Variants in NUDT3 observed in about 807,000 individuals in gnomAD.
NUDT3 encodes the protein diphosphoinositol polyphosphate phosphohydrolase 1.
NUDT3 carries 9 observed loss-of-function variants against 23.6 expected under a neutral mutation model. That is an observed-to-expected ratio of 0.38 (90% CI 0.23 to 0.66). NUDT3 has a LOEUF of 0.66. NUDT3 is among the 30% of genes least tolerant of loss of function. The pLI, the probability that NUDT3 is intolerant of heterozygous loss-of-function variation, is 0.52. For synonymous variants in NUDT3, 86 were observed against 82.6 expected, an observed-to-expected ratio of 1.04 and a Z score of -0.22; for missense variants, 172 against 218.5, an observed-to-expected ratio of 0.79 and a Z score of 1.34.
chr6:34,341,748 C>G (rs781593805), intron 2 of NUDT3, 114 bp downstream of exon 2: 6 of 881,460 alleles, frequency 6.8e-6, no homozygotes, highest in Non-Finnish European at 9.9e-6. Context: ...ATTCATTGCC[C>G]TTTTTCTGTG....
rs183847589 is a variant in NUDT3 at position 34,378,094 on chromosome 6, C to G, written c.99+14170G>C. ...GATCTAGGCAGGAAGACTGCTTGAT[C>G]CCAGGAGTTTGAGACTAGCCTAGCG... On this transcript the variant is annotated intron_variant, in intron 1 of 4. Transcript: ENST00000607016. Among the ~76,000 whole-genome samples the G allele has an allele frequency of 3.4e-3, 516 of 151,634 alleles. 5 individuals carry two copies. The highest frequency in any genetic ancestry group is 7.6e-3 in the Admixed American group (115 of 15,226).
At chr6:34,361,126 G>A (rs1036040473) in intron 1 of NUDT3, among the ~76,000 whole-genome samples, 3 of 152,102 alleles carry the variant, frequency 2.0e-5, no homozygotes, top group African/African-American at 7.2e-5. Context: ...GGGAAGCTGG[G>A]GTGGGAGGAT....
intron 3 of NUDT3, among the ~76,000 whole-genome samples, chr6:34,294,782 T>C (rs1300724678): frequency 6.6e-6 from 1 of 151,758 alleles, no homozygotes; most frequent in Non-Finnish European, 1.5e-5. Context: ...ACCTTTCTTC[T>C]GACATTTTTA....
At chr6:34,345,818 G>A (rs1764360034) in intron 1 of NUDT3, among the ~76,000 whole-genome samples, 1 of 152,098 alleles carries the variant, frequency 6.6e-6, no homozygotes, top group African/African-American at 2.4e-5. Flanking sequence ...GCCCAGGCTG[G>A]AGTGCAATGG....
intron 1 of NUDT3, among the ~76,000 whole-genome samples, chr6:34,376,651 C>A (rs1489022878): frequency 1.3e-5 from 2 of 152,146 alleles, no homozygotes; most frequent in Non-Finnish European, 2.9e-5. Flanking sequence ...ATACTTCATT[C>A]CATTCTGCTG....
intron 1 of NUDT3, among the ~76,000 whole-genome samples, chr6:34,387,876 T>C (rs1765133630): frequency 1.3e-5 from 2 of 152,176 alleles, no homozygotes; most frequent in Admixed American, 1.3e-4. Flanking sequence ...TTTGATTTAG[T>C]GCAACCTAAG....
chr6:34,293,067 TTTTG>T (rs1763447613), intron 4 of NUDT3, among the ~76,000 whole-genome samples: 1 of 152,106 alleles, frequency 6.6e-6, no homozygotes, highest in African/African-American at 2.4e-5. Flanking sequence ...TGTTCTGTTT[TTTTG>T]TTTGTTTTTG....
intron 1 of NUDT3, among the ~76,000 whole-genome samples, chr6:34,391,886 T>C (rs1190345599): frequency 6.6e-6 from 1 of 152,020 alleles, no homozygotes; most frequent in African/African-American, 2.4e-5. Context: ...CACATGTGCC[T>C]GGCTGACAAC....
chr6:34,319,652 T>C (rs1763910681), intron 2 of NUDT3, among the ~76,000 whole-genome samples: 1 of 152,208 alleles, frequency 6.6e-6, no homozygotes, highest in South Asian at 2.1e-4. Flanking sequence ...TGAAATGTGA[T>C]TGAACACAAA....
At chr6:34,336,287 A>C (rs1013403132) in intron 2 of NUDT3, among the ~76,000 whole-genome samples, 2 of 152,056 alleles carry the variant, frequency 1.3e-5, no homozygotes, top group African/African-American at 4.8e-5. Flanking sequence ...AAAAGGTTAT[A>C]TACACATTTG....
At chr6:34,389,192 TGA>T (rs1765155875) in intron 1 of NUDT3, among the ~76,000 whole-genome samples, 2 of 152,074 alleles carry the variant, frequency 1.3e-5, no homozygotes, top group African/African-American at 2.4e-5. Context: ...TCCCATGTGT[TGA>T]GTGAGGGAGG....
intron 1 of NUDT3, among the ~76,000 whole-genome samples, chr6:34,360,809 C>T (rs1442732806): frequency 6.6e-6 from 1 of 152,008 alleles, no homozygotes; most frequent in Non-Finnish European, 1.5e-5. Flanking sequence ...AAAATATTTT[C>T]ACAAGACTTA....
At chr6:34,391,761 T>G (rs1288718030) in intron 1 of NUDT3, among the ~76,000 whole-genome samples, 3 of 59,434 alleles carry the variant, frequency 5.0e-5, no homozygotes, top group Admixed American at 3.4e-4. Flanking sequence ...CCCCCACCCC[T>G]CAGCTTTGGG....
chr6:34,301,671 T>C (rs1158508546), intron 2 of NUDT3, among the ~76,000 whole-genome samples: 1 of 152,230 alleles, frequency 6.6e-6, no homozygotes. Flanking sequence ...GACATCTGAA[T>C]AGTCCAGCTG....
At chr6:34,354,424 C>CAT (rs1310704151) in intron 1 of NUDT3, among the ~76,000 whole-genome samples, 1 of 145,718 alleles carries the variant, frequency 6.9e-6, no homozygotes, top group Non-Finnish European at 1.5e-5. Context: ...CACACACACA[C>CAT]ACACATACAC....
chr6:34,381,586 G>A (rs190425169), intron 1 of NUDT3, among the ~76,000 whole-genome samples: 4 of 151,716 alleles, frequency 2.6e-5, no homozygotes, highest in South Asian at 2.1e-4. Context: ...AACTCATATT[G>A]GCAATAAAAT....
At chr6:34,311,742 T>C (rs954496203) in intron 2 of NUDT3, among the ~76,000 whole-genome samples, 3 of 152,098 alleles carry the variant, frequency 2.0e-5, no homozygotes, top group Non-Finnish European at 2.9e-5. Flanking sequence ...GATGGAACAA[T>C]AGCAAGCCCA....
chr6:34,292,605 GAAAA>G (rs1293271545), intron 4 of NUDT3, among the ~76,000 whole-genome samples: 2 of 151,070 alleles, frequency 1.3e-5, no homozygotes, highest in Non-Finnish European at 2.9e-5. Context: ...TATAAAATAT[GAAAA>G]AATATAAAAA....
chr6:34,379,979 C>A (rs1764986285), intron 1 of NUDT3, among the ~76,000 whole-genome samples: 1 of 151,304 alleles, frequency 6.6e-6, no homozygotes, highest in Admixed American at 6.6e-5. Context: ...TACACTCCAG[C>A]ATGGACAAGA....
Sources: allele counts gnomAD v4.1 joint callset (sites outside exome capture counted in the v4.1 genomes callset), GRCh38; gene constraint gnomAD v4.1.1; transcripts MANE v1.5; gene names NCBI Gene and HGNC (gene_info 2026-07-23, HGNC 2026-07-21).